The following KIFC3 variants were observed in gnomAD, a reference collection of about 807,000 sequenced individuals.
KIFC3 encodes the protein kinesin family member C3.
In KIFC3, 60 loss-of-function variants were observed where a neutral mutation model predicts 101.8. The ratio of observed to expected loss-of-function variants is 0.59; its 90% CI spans 0.48 to 0.73. KIFC3 has a LOEUF of 0.73. KIFC3 is among the 30% of genes least tolerant of loss of function. KIFC3 has a pLI of 0.00. For missense variants in KIFC3, 966 were observed against 1,137.1 expected (o/e 0.85, Z 2.16); for synonymous variants, 476 against 482.7 (o/e 0.99, Z 0.18).
chr16:57,766,614 C>G (rs2050516110), intron 10 of KIFC3, among the ~76,000 whole-genome samples: 1 of 152,212 alleles, frequency 6.6e-6, no homozygotes, highest in Admixed American at 6.5e-5. Context: ...CCTCGGCTAC[C>G]CAGGGCCTGG....
chr16:57,844,142 G>T (rs1269379019), intron 1 of KIFC3, among the ~76,000 whole-genome samples: 1 of 150,186 alleles, frequency 6.7e-6, no homozygotes, highest in Non-Finnish European at 1.5e-5. Flanking sequence ...TTGATCTAAA[G>T]GCAGCGTAGG....
chr16:57,810,337 GC>G (rs2055039963), intron 1 of KIFC3, among the ~76,000 whole-genome samples: 1 of 152,202 alleles, frequency 6.6e-6, no homozygotes, highest in South Asian at 2.1e-4. Context: ...CTGTAGCTTC[GC>G]TTTGCTGAGG....
intron 1 of KIFC3, among the ~76,000 whole-genome samples, chr16:57,851,313 C>T (rs1596882566): frequency 6.6e-6 from 1 of 152,274 alleles, no homozygotes; most frequent in East Asian, 1.9e-4. Flanking sequence ...CCATGCATGG[C>T]CTATTATTTT....
intron 3 of KIFC3, among the ~76,000 whole-genome samples, chr16:57,787,560 G>A (rs1257626312): frequency 2.6e-5 from 4 of 152,244 alleles, no homozygotes; most frequent in Non-Finnish European, 5.9e-5. Flanking sequence ...GACAAGGTGA[G>A]ATCAAAGGGG....
At chr16:57,832,321 C>CTTTTT (rs1165977084) in intron 1 of KIFC3, among the ~76,000 whole-genome samples, 7 of 73,508 alleles carry the variant, frequency 9.5e-5, no homozygotes, top group East Asian at 1.0e-3. Context: ...GCGCCAGGCC[C>CTTTTT]TTTTTTTTTT....
At chr16:57,836,106 G>A (rs1352684896) in intron 1 of KIFC3, among the ~76,000 whole-genome samples, 4 of 152,084 alleles carry the variant, frequency 2.6e-5, no homozygotes, top group African/African-American at 7.2e-5. Context: ...AAAGGGTGAC[G>A]CAGGAATTTT....
At chr16:57,790,636 A>G (rs1206398690) in intron 3 of KIFC3, among the ~76,000 whole-genome samples, 1 of 152,118 alleles carries the variant, frequency 6.6e-6, no homozygotes, top group Non-Finnish European at 1.5e-5. Flanking sequence ...CTCATTCTTA[A>G]AATAAAAATG....
At chr16:57,826,422 A>G (rs373166502) in intron 1 of KIFC3, among the ~76,000 whole-genome samples, 17 of 152,208 alleles carry the variant, frequency 1.1e-4, no homozygotes, top group African/African-American at 4.1e-4. Flanking sequence ...CTTTTATCTC[A>G]TTAAAGGTGG....
At chr16:57,852,230 A>G (rs2056073571) in intron 1 of KIFC3, among the ~76,000 whole-genome samples, 1 of 152,040 alleles carries the variant, frequency 6.6e-6, no homozygotes, top group Non-Finnish European at 1.5e-5. Context: ...GTGGGGGTGG[A>G]GCTTGTGACT....
chr16:57,769,948 A>G lies in KIFC3; in HGVS notation c.947T>C (p.Met316Thr). Residue 316 changes from methionine to threonine, a missense_variant, in exon 8 of 20, where the codon ATG (methionine) becomes ACG (threonine). Physicochemically the swap from Met to Thr is moderately conservative, Grantham distance 81. Transcript: ENST00000445690. This position sits in a 1 kb window ranked among gnomAD's most constrained non-coding sequence, Gnocchi z 4.3. ...LTARLRAQIA[M>T]YESELERAHG... ...GGCCCGCTCCAGCTCTGACTCGTAC[A>G]TGGCAATCTGGCCAGACCAGGAAAA... is the stretch of plus-strand genomic sequence containing the variant. 6.2e-7 allele frequency: 1 copy of G among 1,612,188 alleles called. No homozygotes were observed. The highest frequency in any genetic ancestry group is 8.5e-7 in the Non-Finnish European group (1 of 1,179,938).
intron 1 of KIFC3, among the ~76,000 whole-genome samples, chr16:57,821,763 T>A (rs993583063): frequency 1.3e-5 from 2 of 151,912 alleles, no homozygotes; most frequent in East Asian, 1.9e-4. Context: ...AGAAAAAAAA[T>A]TTGTGTGGGC....
chr16:57,771,686 C>A lies in KIFC3; in HGVS notation c.382G>T (p.Gly128Trp). 1 of 1,610,850 alleles carries A rather than the reference C, an allele frequency of 6.2e-7. No individual in the cohort carries two copies. The highest frequency in any genetic ancestry group is 8.5e-7 in the Non-Finnish European group (1 of 1,178,936). The change falls in exon 5 of 20, where the codon GGG (glycine) becomes TGG (tryptophan). Residue 128 changes from glycine (G) to tryptophan (W), a missense_variant and splice_region_variant. By Grantham distance (184) the Gly-to-Trp change is radical (BLOSUM62 -2). Coordinates refer to ENST00000445690, the MANE Select transcript of KIFC3 (RefSeq NM_001130100.2). ...QEVSRLRSEL[G>W]GTDLEKHRDL... ...CGGTGCTTCTCCAAGTCGGTGCCCCCCTGCAGAGAGCCAGGGCCGAGGGGG... is the reference window on the plus strand; with the variant it reads ...CGGTGCTTCTCCAAGTCGGTGCCCCACTGCAGAGAGCCAGGGCCGAGGGGG...
At chr16:57,791,363 C>A (rs1447726704) in intron 3 of KIFC3, among the ~76,000 whole-genome samples, 1 of 152,224 alleles carries the variant, frequency 6.6e-6, no homozygotes, top group East Asian at 1.9e-4. Context: ...CCAGCCAAGG[C>A]AAAGGTTACG....
At chr16:57,778,613 A>C (rs1189435954) in intron 3 of KIFC3, among the ~76,000 whole-genome samples, 1 of 152,222 alleles carries the variant, frequency 6.6e-6, no homozygotes, top group Non-Finnish European at 1.5e-5. Flanking sequence ...TGAGCAAAGA[A>C]CTTGAATAGC....
At position 57,771,387 on chromosome 16, in the gene KIFC3, C is replaced by G; in HGVS notation, c.576G>C (p.Ala192=). 1 of 1,613,664 alleles carries G rather than the reference C, an allele frequency of 6.2e-7. No homozygotes were observed. Among genetic ancestry groups the G allele is most frequent in the Non-Finnish European group, 8.5e-7 (1 of 1,180,042 alleles). ...GCTCTGACAGCATGCCTTTGCTTTC[C>G]GCCATCTCCAGCTGCAGCTGGGACA... ...DKLSQLQLEM[A]ESKGMLSELN... is the part of the protein sequence containing the mutation. Residue 192 remains alanine, a synonymous_variant, in exon 6 of 20, where the codon GCG becomes GCC. Coordinates refer to ENST00000445690, the MANE Select transcript of KIFC3 (RefSeq NM_001130100.2).
chr16:57,792,357 C>T lies in KIFC3; in HGVS notation c.315+2642G>A, dbSNP rs113211556. On this transcript the variant is annotated intron_variant, in intron 3 of 19. Transcript: ENST00000445690. Reference sequence around the variant, plus strand: ...TGGCGCCTCTGCTAGACTCTCTTGTCTCTTTCTGCACTGTACCTCTGACCC... The same window carrying T: ...TGGCGCCTCTGCTAGACTCTCTTGTTTCTTTCTGCACTGTACCTCTGACCC... Among the ~76,000 whole-genome samples the T allele has an allele frequency of 5.0e-3, 756 of 152,312 alleles. 2 individuals carry two copies. The highest frequency in any genetic ancestry group is 0.048 in the Middle Eastern group (14 of 294).
chr16:57,809,259 G>A (rs148769449), intron 1 of KIFC3, among the ~76,000 whole-genome samples: 4 of 152,130 alleles, frequency 2.6e-5, no homozygotes, highest in Admixed American at 6.5e-5. Context: ...TGTCTGGGGC[G>A]CACCTAGCAC....
intron 1 of KIFC3, among the ~76,000 whole-genome samples, chr16:57,847,567 T>C (rs2055960212): frequency 6.6e-6 from 1 of 152,046 alleles, no homozygotes; most frequent in Non-Finnish European, 1.5e-5. Flanking sequence ...ATTCCACAAA[T>C]TGATTCTGTC....
At chr16:57,770,249 C>T (rs2050988002) in intron 7 of KIFC3, among the ~76,000 whole-genome samples, 1 of 152,234 alleles carries the variant, frequency 6.6e-6, no homozygotes, top group Non-Finnish European at 1.5e-5. Context: ...CCATGTAGAG[C>T]TTACTGAGCA....
Sources: gnomAD v4.1 joint callset for allele counts (sites outside exome capture counted in the v4.1 genomes callset) on GRCh38, gnomAD v4.1.1 for gene constraint, Gnocchi (gnomAD v3.1) non-coding constraint, MANE v1.5 for transcripts, NCBI Gene and HGNC (gene_info 2026-07-23, HGNC 2026-07-21) for gene names.